NCAM2: variants seen among roughly 807,000 people sequenced by gnomAD.
NCAM2 encodes the protein N-CAM-2.
NCAM2 carries 30 observed loss-of-function variants against 98.1 expected under a neutral mutation model. That is an observed-to-expected ratio of 0.31 (90% CI 0.23 to 0.41). The LOEUF (loss-of-function observed/expected upper bound fraction) is 0.41, where lower values mean the gene tolerates loss of function less well. Ranked by LOEUF, NCAM2 falls within the 10% of genes least tolerant of loss-of-function variation. NCAM2 has a pLI of 1.00. For missense variants in NCAM2, 867 were observed against 1,005.8 expected, an observed-to-expected ratio of 0.86 and a Z score of 1.87; for synonymous variants, 368 against 342.4, an observed-to-expected ratio of 1.07 and a Z score of -0.83.
At chr21:21,452,191 C>G (rs75058691) in intron 12 of NCAM2, among the ~76,000 whole-genome samples, 30,437 of 119,638 alleles carry the variant, frequency 0.25, 3,227 homozygotes, top group African/African-American at 0.3. Flanking sequence ...CACACACACA[C>G]ACACATAGAT....
intron 1 of NCAM2, among the ~76,000 whole-genome samples, chr21:21,000,152 A>C (rs181294530): frequency 2.0e-5 from 3 of 152,316 alleles, no homozygotes; most frequent in Non-Finnish European, 4.4e-5. Flanking sequence ...TGTCCTACAG[A>C]TATGCTTCTT....
At chr21:21,429,403 A>G (rs796772174) in intron 11 of NCAM2, among the ~76,000 whole-genome samples, 4 of 152,332 alleles carry the variant, frequency 2.6e-5, no homozygotes, top group African/African-American at 9.6e-5. Context: ...TCTCCCTCTC[A>G]TCCCCCAGAA....
intron 1 of NCAM2, among the ~76,000 whole-genome samples, chr21:21,035,190 C>T (rs996652038): frequency 6.6e-6 from 1 of 152,156 alleles, no homozygotes; most frequent in Non-Finnish European, 1.5e-5. Context: ...CATAAATCAA[C>T]CTCAGTCACT....
At chr21:21,083,646 T>C (rs8133228) in intron 1 of NCAM2, among the ~76,000 whole-genome samples, 93,276 of 151,966 alleles carry the variant, frequency 0.61, 31,180 homozygotes, top group Non-Finnish European at 0.73. Context: ...AACTTCTGGC[T>C]TCAAACAATT....
intron 12 of NCAM2, among the ~76,000 whole-genome samples, chr21:21,443,039 C>T (rs894873887): frequency 6.6e-6 from 1 of 152,134 alleles, no homozygotes; most frequent in African/African-American, 2.4e-5. Context: ...CTACACGCAG[C>T]TTTAAATGTG....
intron 1 of NCAM2, among the ~76,000 whole-genome samples, chr21:21,082,615 A>G (rs2065830362): frequency 6.6e-6 from 1 of 152,204 alleles, no homozygotes; most frequent in Non-Finnish European, 1.5e-5. Context: ...TCCAATACCT[A>G]AAATGTTTTA....
intron 1 of NCAM2, among the ~76,000 whole-genome samples, chr21:21,241,811 C>A (rs1022038291): frequency 6.6e-6 from 1 of 151,722 alleles, no homozygotes; most frequent in Non-Finnish European, 1.5e-5. Flanking sequence ...TGGTTTTGAT[C>A]GATAAAATTT....
intron 12 of NCAM2, among the ~76,000 whole-genome samples, chr21:21,453,307 TG>T (rs1414216943): frequency 6.6e-6 from 1 of 151,388 alleles, no homozygotes; most frequent in African/African-American, 2.4e-5. Context: ...GAGTCCCATA[TG>T]AAGTGAGGGC....
In NCAM2 at chr21:21,477,423, C is replaced by A; in HGVS notation, c.2029C>A (p.Pro677Thr). 1.2e-6 allele frequency: 2 copies of A among 1,608,818 alleles called. No individual in the cohort carries two copies. The highest frequency in any genetic ancestry group is 1.7e-6 in the Non-Finnish European group (2 of 1,176,524). ...TGCCAATAGATTGGGATATTCTGAA[C>A]CGACAGTTTATGAATTCAGCATGCC... is the stretch of plus-strand genomic sequence containing the variant. ...TAANRLGYSE[P>T]TVYEFSMPPK... The change falls in exon 15 of 18, where the codon CCG becomes ACG. Residue 677 changes from proline (P) to threonine (T), a missense_variant. Transcript: ENST00000400546.
chr21:21,532,341 T>G (rs1989751265), intron 16 of NCAM2, among the ~76,000 whole-genome samples: 1 of 152,084 alleles, frequency 6.6e-6, no homozygotes, highest in Non-Finnish European at 1.5e-5. Flanking sequence ...CTGTATGCAT[T>G]TGATTCATAT....
At chr21:21,444,720 CTCTTT>C (rs1383271876) in intron 12 of NCAM2, among the ~76,000 whole-genome samples, 1 of 152,044 alleles carries the variant, frequency 6.6e-6, no homozygotes, top group Non-Finnish European at 1.5e-5. Context: ...TGATTCTTCT[CTCTTT>C]TCTTCTTTAT....
At chr21:21,137,136 C>T (rs2067074120) in intron 1 of NCAM2, among the ~76,000 whole-genome samples, 4 of 151,926 alleles carry the variant, frequency 2.6e-5, no homozygotes, top group African/African-American at 7.3e-5. Context: ...TGAGCCACTG[C>T]GCCCAGCCAC....
intron 9 of NCAM2, 32 bp downstream of exon 9, chr21:21,374,045 A>C: frequency 6.3e-7 from 1 of 1,587,088 alleles, no homozygotes; most frequent in Middle Eastern, 1.7e-4. Context: ...TTTCATTAAA[A>C]TAACTTTGCA....
intron 1 of NCAM2, among the ~76,000 whole-genome samples, chr21:21,224,291 C>A (rs1021622680): frequency 1.3e-5 from 2 of 152,250 alleles, no homozygotes; most frequent in African/African-American, 4.8e-5. Context: ...GCGAATGGCC[C>A]TCCATTCTGC....
chr21:21,055,922 C>G (rs1460262676), intron 1 of NCAM2, among the ~76,000 whole-genome samples: 1 of 152,084 alleles, frequency 6.6e-6, no homozygotes, highest in Non-Finnish European at 1.5e-5. Flanking sequence ...ATGACACTTA[C>G]ACATCCCTAA....
chr21:21,347,861 C>T (rs966702269), intron 8 of NCAM2, among the ~76,000 whole-genome samples: 4 of 151,902 alleles, frequency 2.6e-5, no homozygotes, highest in African/African-American at 9.7e-5. Context: ...AGCATAAAAA[C>T]CATATGATCA....
intron 1 of NCAM2, among the ~76,000 whole-genome samples, chr21:21,255,672 G>T: frequency 6.6e-6 from 1 of 152,150 alleles, no homozygotes; most frequent in East Asian, 1.9e-4. Context: ...TTTCACAGTG[G>T]CAGAGTTTTC....
At chr21:21,176,005 A>G (rs1380738649) in intron 1 of NCAM2, among the ~76,000 whole-genome samples, 4 of 152,214 alleles carry the variant, frequency 2.6e-5, no homozygotes, top group African/African-American at 7.2e-5. Context: ...ACTTTCAGAA[A>G]CGTCCAGTAT....
chr21:21,434,066 C>T (rs545544476), intron 12 of NCAM2, among the ~76,000 whole-genome samples: 39 of 152,276 alleles, frequency 2.6e-4, no homozygotes, highest in African/African-American at 8.9e-4. Context: ...TTGATCTGGC[C>T]AAGTTGATCA....
Sources: allele counts gnomAD v4.1 joint callset (sites outside exome capture counted in the v4.1 genomes callset), GRCh38; gene constraint gnomAD v4.1.1; transcripts MANE v1.5; gene names NCBI Gene and HGNC (gene_info 2026-07-23, HGNC 2026-07-21).